Variants in MDGA2 observed in about 807,000 individuals in gnomAD.
The protein encoded by MDGA2 is MAM domain-containing glycosylphosphatidylinositol anchor protein 2.
In MDGA2, 40 loss-of-function variants were observed where a neutral mutation model predicts 117.8. The observed-to-expected ratio is 0.34, with a 90% CI of 0.26 to 0.44. The LOEUF (loss-of-function observed/expected upper bound fraction) is 0.44, where lower values mean the gene tolerates loss of function less well. Ranked by LOEUF, MDGA2 falls within the 20% of genes least tolerant of loss-of-function variation. MDGA2 has a pLI of 1.00. For missense variants in MDGA2, 1,123 were observed against 1,250.6 expected (o/e 0.90, Z 1.54); for synonymous variants, 452 against 439.0 (o/e 1.03, Z -0.37).
intron 3 of MDGA2, among the ~76,000 whole-genome samples, chr14:47,195,869 A>G (rs1885271188): frequency 6.6e-6 from 1 of 152,096 alleles, no homozygotes; most frequent in Non-Finnish European, 1.5e-5. Context: ...TCTGAAATAA[A>G]GTTAAAACTG....
At chr14:47,337,944 A>G (rs1008882541) in intron 1 of MDGA2, among the ~76,000 whole-genome samples, 1 of 151,970 alleles carries the variant, frequency 6.6e-6, no homozygotes, top group African/African-American at 2.4e-5. Context: ...TTCCCATGAT[A>G]TGTTGTTTTG....
intron 1 of MDGA2, among the ~76,000 whole-genome samples, chr14:47,649,833 G>A (rs1897605924): frequency 6.6e-6 from 1 of 152,148 alleles, no homozygotes; most frequent in Non-Finnish European, 1.5e-5. Context: ...GGTGATAATT[G>A]AGGCAGCTCT....
chr14:47,360,452 A>G lies in MDGA2; in HGVS notation c.281-58902T>C, dbSNP rs1278072388. ...CTGAATAGACATTTCTCCAAGGAAG[A>G]CATAAAAATGGGCAACGGGTATATG... On this transcript the variant is annotated intron_variant, in intron 1 of 16. Transcript: ENST00000399232. Among the ~76,000 whole-genome samples, 4 of 152,020 alleles carry G rather than the reference A, an allele frequency of 2.6e-5. No homozygotes were observed. The East Asian group carries it at 7.7e-4, about 29-fold the overall frequency.
At chr14:46,872,235 AT>A (rs1027998394) in intron 14 of MDGA2, among the ~76,000 whole-genome samples, 2 of 151,974 alleles carry the variant, frequency 1.3e-5, no homozygotes, top group African/African-American at 2.4e-5. Context: ...GATACATATT[AT>A]GTGTCCAATT....
intron 7 of MDGA2, among the ~76,000 whole-genome samples, chr14:47,048,628 C>G (rs1889347410): frequency 6.6e-6 from 1 of 152,010 alleles, no homozygotes; most frequent in South Asian, 2.1e-4. Flanking sequence ...ACTACTGCCA[C>G]CTTAATAAAC....
intron 1 of MDGA2, among the ~76,000 whole-genome samples, chr14:47,362,364 C>T (rs1891143792): frequency 6.6e-6 from 1 of 152,078 alleles, no homozygotes; most frequent in African/African-American, 2.4e-5. Context: ...TACAGTAACA[C>T]ATCAATTTAC....
At position 46,979,710 on chromosome 14, in the gene MDGA2, G is replaced by A. The variant is rs868362503; in HGVS notation, c.1820-22067C>T. 2.4e-4 allele frequency among the ~76,000 whole-genome samples: 37 copies of A among 152,268 alleles called. No homozygotes were observed. The Middle Eastern group carries it at 0.01, about 42-fold the overall frequency. On this transcript the variant is annotated intron_variant, in intron 8 of 16. Coordinates refer to ENST00000399232, the MANE Select transcript of MDGA2 (RefSeq NM_001113498.3). ...TCCTAACTTTCTTTAATGGTATCAAGGATGACAGATGTGAGGAAGCTGCAG... is the reference window on the plus strand; with the variant it reads ...TCCTAACTTTCTTTAATGGTATCAAAGATGACAGATGTGAGGAAGCTGCAG...
intron 16 of MDGA2, 52 bp from the exon 17 acceptor site, chr14:46,842,071 C>A: frequency 8.3e-7 from 1 of 1,204,430 alleles, no homozygotes. Context: ...AATAAGCATT[C>A]CACGTAGCTA....
Position 47,668,102 on chromosome 14 carries a change from T to C in MDGA2, c.280+6415A>G, listed in dbSNP as rs904000207. Among the ~76,000 whole-genome samples the C allele has an allele frequency of 9.8e-5, 15 of 152,322 alleles. 1 individual carries two copies. Among genetic ancestry groups the C allele is most frequent in the Non-Finnish European group, 2.1e-4 (14 of 68,020 alleles). ...ACTCCTAGGGAATATATCATTTGGA[T>C]GTTGAAACAGAAAGCACAGATCTTA... On this transcript the variant is annotated intron_variant, in intron 1 of 16. Transcript: ENST00000399232.
chr14:47,419,546 T>C (rs7342531), intron 1 of MDGA2, among the ~76,000 whole-genome samples: 60,897 of 151,828 alleles, frequency 0.4, 12,353 homozygotes, highest in South Asian at 0.57. Context: ...TTATGTTTAG[T>C]ACTCTTGTAT....
intron 11 of MDGA2, among the ~76,000 whole-genome samples, chr14:46,880,281 T>C (rs1203884752): frequency 4.6e-5 from 7 of 151,914 alleles, no homozygotes; most frequent in Admixed American, 3.9e-4. Context: ...GTTGAGATCA[T>C]GCCACTGCAC....
chr14:47,512,037 T>C (rs914282915), intron 1 of MDGA2, among the ~76,000 whole-genome samples: 1 of 152,158 alleles, frequency 6.6e-6, no homozygotes, highest in Non-Finnish European at 1.5e-5. Context: ...TAAACTTTGG[T>C]TCAGTAAAGT....
chr14:47,346,986 AATGG>A (rs1431902245), intron 1 of MDGA2, among the ~76,000 whole-genome samples: 5 of 152,166 alleles, frequency 3.3e-5, no homozygotes, highest in African/African-American at 1.2e-4. Flanking sequence ...AGATGAGACT[AATGG>A]AAGGACAACT....
At chr14:47,498,548 C>G (rs949304145) in intron 1 of MDGA2, among the ~76,000 whole-genome samples, 1 of 152,018 alleles carries the variant, frequency 6.6e-6, no homozygotes, top group African/African-American at 2.4e-5. Context: ...ATTATAGGTA[C>G]AAGAGAAATC....
At chr14:46,929,649 A>ATTTTTTTTTTTTT (rs1180832509) in intron 9 of MDGA2, among the ~76,000 whole-genome samples, 5 of 13,704 alleles carry the variant, frequency 3.6e-4, no homozygotes, top group East Asian at 1.4e-3. Flanking sequence ...ATATATATAC[A>ATTTTTTTTTTTTT]TTTTTTTTTT....
At chr14:47,484,800 T>C (rs557446231) in intron 1 of MDGA2, among the ~76,000 whole-genome samples, 1 of 152,298 alleles carries the variant, frequency 6.6e-6, no homozygotes, top group Admixed American at 6.5e-5. Flanking sequence ...GGAGTTTCTC[T>C]GCATAAGTTC....
chr14:47,011,468 G>A (rs1201786504), intron 8 of MDGA2, among the ~76,000 whole-genome samples: 1 of 151,920 alleles, frequency 6.6e-6, no homozygotes, highest in Non-Finnish European at 1.5e-5. Context: ...AACAAGTTCA[G>A]TTGGGTGGTT....
At chr14:47,370,482 T>TG in intron 1 of MDGA2, among the ~76,000 whole-genome samples, 1 of 72,460 alleles carries the variant, frequency 1.4e-5, no homozygotes, top group African/African-American at 5.2e-5. Flanking sequence ...TTTTTTTTTT[T>TG]TTTTTTTTTT....
intron 1 of MDGA2, among the ~76,000 whole-genome samples, chr14:47,624,076 A>G (rs561357114): frequency 6.6e-6 from 1 of 152,318 alleles, no homozygotes; most frequent in South Asian, 2.1e-4. Flanking sequence ...TACCCATATA[A>G]GTATTGTTTT....
Sources: allele counts gnomAD v4.1 joint callset (sites outside exome capture counted in the v4.1 genomes callset), GRCh38; gene constraint gnomAD v4.1.1; transcripts MANE v1.5; gene names NCBI Gene and HGNC (gene_info 2026-07-23, HGNC 2026-07-21).